The following SORCS1 variants were observed in gnomAD, a reference collection of about 807,000 sequenced individuals.
SORCS1 encodes the protein sortilin related VPS10 domain containing receptor 1, also known as VPS10 domain-containing receptor SorCS1.
In SORCS1, 60 loss-of-function variants were observed where a neutral mutation model predicts 146.1. The ratio of observed to expected loss-of-function variants is 0.41; its 90% CI spans 0.33 to 0.51. The LOEUF (loss-of-function observed/expected upper bound fraction) is 0.51. Ranked by LOEUF, SORCS1 falls within the 20% of genes least tolerant of loss-of-function variation. SORCS1 has a pLI of 0.21. For missense variants in SORCS1, 1,352 were observed against 1,487.6 expected (o/e 0.91, Z 1.50); for synonymous variants, 637 against 584.0 (o/e 1.09, Z -1.31).
chr10:106,666,552 C>CT (rs201094771), intron 17 of SORCS1, among the ~76,000 whole-genome samples: 8,075 of 147,508 alleles, frequency 0.055, 428 homozygotes, highest in African/African-American at 0.11. Flanking sequence ...ATAAATCTCT[C>CT]TCTTTTTTTT....
intron 18 of SORCS1, among the ~76,000 whole-genome samples, chr10:106,644,290 A>G (rs1849263831): frequency 6.6e-6 from 1 of 152,134 alleles, no homozygotes; most frequent in South Asian, 2.1e-4. Context: ...AACTGCCAGT[A>G]CACTCAAAGT....
chr10:106,990,315 G>A (rs1279766220), intron 1 of SORCS1, among the ~76,000 whole-genome samples: 1 of 152,146 alleles, frequency 6.6e-6, no homozygotes, highest in African/African-American at 2.4e-5. Context: ...TGTTGCCCAG[G>A]TTGGAGTGCA....
chr10:107,177,501 A>T, the SORCS1 span, among the ~76,000 whole-genome samples: 1 of 152,224 alleles, frequency 6.6e-6, no homozygotes, highest in Non-Finnish European at 1.5e-5. Context: ...ATTGACAAAT[A>T]ATAATTGCAT....
At chr10:106,641,234 G>C (rs910954147) in intron 18 of SORCS1, among the ~76,000 whole-genome samples, 1 of 152,160 alleles carries the variant, frequency 6.6e-6, no homozygotes, top group Non-Finnish European at 1.5e-5. Flanking sequence ...TGGAGGAATT[G>C]TGTTATGGAG....
chr10:106,693,222 T>C (rs2135689729), intron 9 of SORCS1, among the ~76,000 whole-genome samples: 1 of 152,358 alleles, frequency 6.6e-6, no homozygotes, highest in Non-Finnish European at 1.5e-5. Context: ...TGAAAGGCTT[T>C]GCAAACATGA....
intron 1 of SORCS1, among the ~76,000 whole-genome samples, chr10:107,151,893 G>T (rs1330136241): frequency 1.3e-5 from 2 of 152,210 alleles, no homozygotes; most frequent in Non-Finnish European, 2.9e-5. Flanking sequence ...TAAGTAACAA[G>T]GAGCCAAATG....
chr10:107,126,220 T>C (rs892047385), intron 1 of SORCS1, among the ~76,000 whole-genome samples: 1 of 152,104 alleles, frequency 6.6e-6, no homozygotes, highest in Non-Finnish European at 1.5e-5. Flanking sequence ...CACTTCATCC[T>C]ATCTAAAACA....
At chr10:107,037,338 T>A (rs981018647) in intron 1 of SORCS1, among the ~76,000 whole-genome samples, 1 of 152,226 alleles carries the variant, frequency 6.6e-6, no homozygotes, top group African/African-American at 2.4e-5. Context: ...ACACAAGTTA[T>A]GTAACTGGCT....
intron 1 of SORCS1, among the ~76,000 whole-genome samples, chr10:107,052,491 T>A (rs1960212824): frequency 6.6e-6 from 1 of 152,178 alleles, no homozygotes; most frequent in Non-Finnish European, 1.5e-5. Context: ...TAAATCAGGC[T>A]GAATGTCACC....
At chr10:107,083,920 A>G (rs886544636) in intron 1 of SORCS1, among the ~76,000 whole-genome samples, 5 of 152,110 alleles carry the variant, frequency 3.3e-5, no homozygotes, top group African/African-American at 1.2e-4. Context: ...GGTGAAATGT[A>G]TGGAATGCTG....
At chr10:106,705,007 T>A (rs1395144351) in intron 8 of SORCS1, among the ~76,000 whole-genome samples, 1 of 152,200 alleles carries the variant, frequency 6.6e-6, no homozygotes, top group Admixed American at 6.5e-5. Flanking sequence ...CAGAGGTAAT[T>A]TGAACAACAC....
intron 10 of SORCS1, among the ~76,000 whole-genome samples, chr10:106,685,241 G>C (rs1231587012): frequency 6.6e-6 from 1 of 152,130 alleles, no homozygotes; most frequent in African/African-American, 2.4e-5. Context: ...TTTCGATGGA[G>C]TGCACACTCC....
chr10:106,849,442 C>T (rs1355704773), intron 2 of SORCS1, among the ~76,000 whole-genome samples: 1 of 145,826 alleles, frequency 6.9e-6, no homozygotes, highest in African/African-American at 2.5e-5. Flanking sequence ...TCCATCAGCT[C>T]CTTTAAGCAC....
At chr10:106,755,285 A>G (rs1858549927) in intron 5 of SORCS1, among the ~76,000 whole-genome samples, 1 of 152,234 alleles carries the variant, frequency 6.6e-6, no homozygotes, top group African/African-American at 2.4e-5. Context: ...ATGAGAAGGG[A>G]GTAAGTCTTG....
At chr10:106,732,423 G>T (rs1314435468) in intron 5 of SORCS1, among the ~76,000 whole-genome samples, 2 of 152,114 alleles carry the variant, frequency 1.3e-5, no homozygotes, top group Non-Finnish European at 2.9e-5. Context: ...GACCTTTTCT[G>T]ACAAGACTGC....
intron 2 of SORCS1, among the ~76,000 whole-genome samples, chr10:106,919,604 A>G (rs1169857229): frequency 6.6e-6 from 1 of 152,232 alleles, no homozygotes; most frequent in Admixed American, 6.5e-5. Flanking sequence ...AAAAAAATGG[A>G]AATTCCCTGC....
At chr10:107,134,500 G>A (rs751373051) in intron 1 of SORCS1, among the ~76,000 whole-genome samples, 7 of 152,220 alleles carry the variant, frequency 4.6e-5, no homozygotes, top group East Asian at 1.9e-4. Flanking sequence ...TTATCTGGAC[G>A]TGGTGGCACG....
chr10:106,807,531 G>C (rs984573569), intron 3 of SORCS1, among the ~76,000 whole-genome samples: 1 of 152,148 alleles, frequency 6.6e-6, no homozygotes, highest in African/African-American at 2.4e-5. Flanking sequence ...TCTGGCTGTG[G>C]TTTTGCAGGT....
intron 2 of SORCS1, among the ~76,000 whole-genome samples, chr10:106,941,086 A>G (rs1309852760): frequency 6.6e-6 from 1 of 152,232 alleles, no homozygotes; most frequent in African/African-American, 2.4e-5. Context: ...CAAAAAGGGT[A>G]TAACGATAGT....
Sources: allele counts gnomAD v4.1 joint callset (sites outside exome capture counted in the v4.1 genomes callset), GRCh38; gene constraint gnomAD v4.1.1; transcripts MANE v1.5; gene names NCBI Gene and HGNC (gene_info 2026-07-23, HGNC 2026-07-21).